TMCO1: variants seen among roughly 807,000 people sequenced by gnomAD.
TMCO1 encodes the protein calcium load-activated calcium channel.
Under a neutral mutation model 29.3 loss-of-function variants are expected in TMCO1, and 29 were observed. That is an observed-to-expected ratio of 0.99 (90% CI 0.74 to 1.35). TMCO1 has a LOEUF of 1.35. Ranked by LOEUF, TMCO1 falls within the 40% of genes most tolerant of loss-of-function variation. TMCO1 has a pLI of 0.00. For synonymous variants in TMCO1, 80 were observed against 77.1 expected (o/e 1.04, Z -0.20); for missense variants, 173 against 225.5 (o/e 0.77, Z 1.49).
intron 5 of TMCO1, among the ~76,000 whole-genome samples, chr1:165,750,541 C>CA (rs776845482): frequency 0.35 from 30,304 of 86,956 alleles, 3,643 homozygotes; most frequent in South Asian, 0.42. Flanking sequence ...AACTCCGTCT[C>CA]AAAAAAAAAA....
intron 4 of TMCO1, among the ~76,000 whole-genome samples, chr1:165,752,505 TC>T: frequency 6.6e-6 from 1 of 151,918 alleles, no homozygotes; most frequent in East Asian, 1.9e-4. Context: ...CCCCCCCGCC[TC>T]GGCCTCCCAA....
intron 4 of TMCO1, among the ~76,000 whole-genome samples, chr1:165,752,794 C>CAA (rs1383946645): frequency 0.013 from 1,895 of 141,978 alleles, 50 homozygotes; most frequent in African/African-American, 0.047. Context: ...GACTCCGTCT[C>CAA]AAAAAAAAAA....
At chr1:165,746,453 TCACACACACA>T (rs59467463) in intron 5 of TMCO1, among the ~76,000 whole-genome samples, 5 of 132,324 alleles carry the variant, frequency 3.8e-5, no homozygotes, top group African/African-American at 5.8e-5. Flanking sequence ...AAGACCTATA[TCACACACACA>T]CACACACACA....
At chr1:165,765,566 G>T (rs1002517758) in intron 2 of TMCO1, among the ~76,000 whole-genome samples, 2 of 152,244 alleles carry the variant, frequency 1.3e-5, no homozygotes, top group African/African-American at 4.8e-5. Context: ...ACAGGCCTGA[G>T]CCACCGCGCC....
rs1328420000 is a variant in TMCO1 at position 165,726,957 on chromosome 1, C to T, written c.*1066G>A. ...TTGCTGTTGGTTTAACAATGATTACCTTGAAAATTATGTGTTTTTTCTCAC... is the reference window on the plus strand; with the variant it reads ...TTGCTGTTGGTTTAACAATGATTACTTTGAAAATTATGTGTTTTTTCTCAC... On this transcript the variant is annotated 3_prime_UTR_variant, in exon 7 of 7. Transcript: ENST00000367881. 1 of 453,972 alleles carries T rather than the reference C, an allele frequency of 2.2e-6. No homozygotes were observed. Among genetic ancestry groups the T allele is most frequent in the Admixed American group, 2.4e-5 (1 of 42,546 alleles). The allele number at this position is 453,972 out of a possible 1,614,324, so 28.1% of individuals were successfully genotyped here.
At chr1:165,739,636 GC>G (rs987618755) in intron 6 of TMCO1, among the ~76,000 whole-genome samples, 3 of 152,022 alleles carry the variant, frequency 2.0e-5, no homozygotes, top group Admixed American at 2.0e-4. Context: ...CTACCTGCTC[GC>G]CTTGGCCTCC....
chr1:165,756,882 A>G (rs1004019916), intron 3 of TMCO1, among the ~76,000 whole-genome samples: 1 of 151,498 alleles, frequency 6.6e-6, no homozygotes, highest in African/African-American at 2.4e-5. Flanking sequence ...AGCTCAAGTG[A>G]GGAATCTGGG....
chr1:165,724,344 G>C, downstream of TMCO1: 1 of 453,586 alleles, frequency 2.2e-6, no homozygotes, highest in Non-Finnish European at 4.4e-6. Context: ...AAAGCTGCTC[G>C]CATTACAGAG....
chr1:165,736,456 G>A (rs775154569), intron 6 of TMCO1, among the ~76,000 whole-genome samples: 54 of 152,024 alleles, frequency 3.6e-4, no homozygotes, highest in Non-Finnish European at 6.8e-4. Context: ...GGGGGCTCAC[G>A]CCTGTAATCC....
At chr1:165,752,903 G>T (rs1364734619) in intron 4 of TMCO1, among the ~76,000 whole-genome samples, 1 of 152,164 alleles carries the variant, frequency 6.6e-6, no homozygotes, top group Admixed American at 6.5e-5. Context: ...GAATATTGGG[G>T]TGACTTTGTG....
intron 6 of TMCO1, among the ~76,000 whole-genome samples, chr1:165,738,175 C>A (rs1239271997): frequency 6.6e-6 from 1 of 152,154 alleles, no homozygotes; most frequent in African/African-American, 2.4e-5. Context: ...CACCTGTAAT[C>A]CCAGCTACTC....
intron 3 of TMCO1, among the ~76,000 whole-genome samples, chr1:165,757,370 T>C (rs1652231543): frequency 6.6e-6 from 1 of 152,244 alleles, no homozygotes; most frequent in Non-Finnish European, 1.5e-5. Context: ...AGATTTCTGA[T>C]AGTCTGGCTT....
At chr1:165,726,440 C>T (rs1475799849), downstream of TMCO1, 1 of 589,840 alleles carries the variant, frequency 1.7e-6, no homozygotes, top group East Asian at 3.5e-5. Context: ...TCACCACATA[C>T]CCATGAGGAG....
intron 5 of TMCO1, among the ~76,000 whole-genome samples, chr1:165,750,069 T>C (rs147156629): frequency 6.6e-6 from 1 of 151,726 alleles, no homozygotes. Context: ...GAAAGATCCA[T>C]TCACAAGTAC....
intron 3 of TMCO1, among the ~76,000 whole-genome samples, chr1:165,757,855 A>T (rs56126827): frequency 6.6e-6 from 1 of 152,194 alleles, no homozygotes; most frequent in East Asian, 1.9e-4. Context: ...AAACAATTCA[A>T]GGTTACACTC....
chr1:165,736,297 T>A (rs58503878), intron 6 of TMCO1, among the ~76,000 whole-genome samples: 2,017 of 152,296 alleles, frequency 0.013, 51 homozygotes, highest in African/African-American at 0.047. Flanking sequence ...TGCCTGCCTA[T>A]ACAAAAATAT....
Position 165,759,556 on chromosome 1 carries a change from C to T in TMCO1, c.177G>A (p.Glu59=), listed in dbSNP as rs1652324474. ...TCTTTTTCTGTTGTCGACCAGCTGA[C>T]TCTGTTATTGTTTCCTTCTTCTTTT... is the stretch of plus-strand genomic sequence containing the variant. ...KLEKKKETIT[E]SAGRQQKKKI... The change falls in exon 3 of 7, where the codon GAG becomes GAA. Residue 59 remains glutamate, a synonymous_variant. Coordinates refer to ENST00000367881, the MANE Select transcript of TMCO1 (RefSeq NM_019026.6). 4 of 1,612,834 alleles carry T rather than the reference C, an allele frequency of 2.5e-6. No individual in the cohort carries two copies. In the South Asian group the frequency reaches 3.3e-5, roughly 13 times the overall value.
At chr1:165,764,632 G>C (rs1652507132) in intron 2 of TMCO1, among the ~76,000 whole-genome samples, 1 of 152,118 alleles carries the variant, frequency 6.6e-6, no homozygotes, top group Admixed American at 6.5e-5. Context: ...ACAGAAAAAA[G>C]GCATGAATGA....
At chr1:165,734,293 C>T (rs934443936) in intron 6 of TMCO1, among the ~76,000 whole-genome samples, 6 of 152,044 alleles carry the variant, frequency 3.9e-5, no homozygotes, top group Non-Finnish European at 2.9e-5. Context: ...AGCTTGATAT[C>T]GCTGAAATAT....
Sources: gnomAD v4.1 joint callset for allele counts (sites outside exome capture counted in the v4.1 genomes callset) on GRCh38, gnomAD v4.1.1 for gene constraint, MANE v1.5 for transcripts, NCBI Gene and HGNC (gene_info 2026-07-23, HGNC 2026-07-21) for gene names.